The following LRRC7 variants were observed in gnomAD, a reference collection of about 807,000 sequenced individuals.
The protein encoded by LRRC7 is leucine-rich repeat-containing protein 7.
Under a neutral mutation model 175.7 loss-of-function variants are expected in LRRC7, and 23 were observed. The observed-to-expected ratio is 0.13, with a 90% CI of 0.09 to 0.19. The LOEUF (loss-of-function observed/expected upper bound fraction) is 0.19, where lower values mean the gene tolerates loss of function less well. LRRC7 is among the 10% of genes least tolerant of loss of function. The pLI is 1.00. For synonymous variants in LRRC7, 685 were observed against 680.9 expected (o/e 1.01, Z -0.09); for missense variants, 1,354 against 1,904.7 (o/e 0.71, Z 5.38).
At chr1:70,053,603 A>G (rs948680145) in intron 23 of LRRC7, among the ~76,000 whole-genome samples, 1 of 152,186 alleles carries the variant, frequency 6.6e-6, no homozygotes, top group Non-Finnish European at 1.5e-5. Context: ...TGAGGAAACA[A>G]AAATGAAAAA....
intron 7 of LRRC7, among the ~76,000 whole-genome samples, chr1:69,900,566 T>C (rs1333275837): frequency 3.9e-5 from 6 of 152,206 alleles, no homozygotes; most frequent in African/African-American, 9.7e-5. Flanking sequence ...TATTGTAGCA[T>C]ACAATATTCT....
At chr1:69,993,426 T>C (rs111975895) in intron 10 of LRRC7, among the ~76,000 whole-genome samples, 2,180 of 152,290 alleles carry the variant, frequency 0.014, 51 homozygotes, top group African/African-American at 0.05. Flanking sequence ...ACTTACTCTA[T>C]GCCTGTTAGG....
chr1:69,575,708 G>T (rs1645917785), intron 1 of LRRC7, among the ~76,000 whole-genome samples: 1 of 152,078 alleles, frequency 6.6e-6, no homozygotes, highest in Non-Finnish European at 1.5e-5. Flanking sequence ...AATGTTGGAT[G>T]ATGAAGAAAT....
At chr1:69,731,704 T>G (rs998960548) in intron 2 of LRRC7, among the ~76,000 whole-genome samples, 1 of 152,176 alleles carries the variant, frequency 6.6e-6, no homozygotes, top group African/African-American at 2.4e-5. Flanking sequence ...TGGGACAAAA[T>G]GTTCAATGTC....
At chr1:69,653,022 G>A (rs964268691) in intron 1 of LRRC7, among the ~76,000 whole-genome samples, 2 of 152,016 alleles carry the variant, frequency 1.3e-5, no homozygotes, top group Non-Finnish European at 2.9e-5. Context: ...AAAGCTTCTT[G>A]CCAATTGGTC....
intron 23 of LRRC7, among the ~76,000 whole-genome samples, chr1:70,066,318 A>C (rs972672702): frequency 3.3e-5 from 5 of 152,008 alleles, no homozygotes; most frequent in Non-Finnish European, 7.4e-5. Flanking sequence ...TTGCATAACT[A>C]AAAAGTGACA....
intron 1 of LRRC7, among the ~76,000 whole-genome samples, chr1:69,594,251 T>C (rs1646752220): frequency 6.6e-6 from 1 of 152,186 alleles, no homozygotes; most frequent in African/African-American, 2.4e-5. Flanking sequence ...CCGCTCTTTA[T>C]CCCCTTACTG....
intron 7 of LRRC7, among the ~76,000 whole-genome samples, chr1:69,870,635 C>T (rs760671081): frequency 3.3e-5 from 5 of 152,010 alleles, no homozygotes; most frequent in Admixed American, 1.3e-4. Flanking sequence ...ATGCAATTCC[C>T]GATGCCTAGA....
intron 5 of LRRC7, among the ~76,000 whole-genome samples, chr1:69,828,232 C>A (rs772154910): frequency 1.3e-5 from 2 of 152,030 alleles, no homozygotes; most frequent in Non-Finnish European, 2.9e-5. Context: ...AAAGCTGGTA[C>A]AAACTATGCA....
chr1:70,028,138 T>C, intron 17 of LRRC7, 33 bp from the exon 18 acceptor site: 1 of 1,571,312 alleles, frequency 6.4e-7, no homozygotes, highest in Non-Finnish European at 8.7e-7. Context: ...CTGAAGTTAT[T>C]TTTATGTTAA....
At chr1:69,888,636 C>T (rs546811496) in intron 7 of LRRC7, among the ~76,000 whole-genome samples, 9 of 152,012 alleles carry the variant, frequency 5.9e-5, no homozygotes, top group South Asian at 4.1e-4. Flanking sequence ...CATCTTGGCT[C>T]CTCCTCCTGA....
intron 8 of LRRC7, among the ~76,000 whole-genome samples, chr1:69,933,937 C>T (rs1205866490): frequency 6.6e-6 from 1 of 152,042 alleles, no homozygotes; most frequent in Non-Finnish European, 1.5e-5. Flanking sequence ...TATTTTCTTA[C>T]TTTTGCATTT....
intron 1 of LRRC7, among the ~76,000 whole-genome samples, chr1:69,610,324 TTGGC>T (rs1356271036): frequency 6.6e-6 from 1 of 152,086 alleles, no homozygotes; most frequent in Non-Finnish European, 1.5e-5. Flanking sequence ...CAGTTTTTCT[TTGGC>T]AAGAATATTT....
intron 7 of LRRC7, among the ~76,000 whole-genome samples, chr1:69,913,662 T>G (rs1401508089): frequency 6.6e-6 from 1 of 151,988 alleles, no homozygotes; most frequent in African/African-American, 2.4e-5. Flanking sequence ...CAGGCACCCA[T>G]GACCACGCCT....
intron 2 of LRRC7, among the ~76,000 whole-genome samples, chr1:69,692,117 G>A (rs1661965913): frequency 6.6e-6 from 1 of 152,086 alleles, no homozygotes; most frequent in African/African-American, 2.4e-5. Flanking sequence ...AGCAGTACAA[G>A]AAACCACAGG....
chr1:69,936,548 T>C (rs574015614), intron 8 of LRRC7, among the ~76,000 whole-genome samples: 14 of 152,326 alleles, frequency 9.2e-5, no homozygotes, highest in Admixed American at 7.8e-4. Flanking sequence ...CAGTTGCTTG[T>C]TGCAGGTTTT....
intron 2 of LRRC7, among the ~76,000 whole-genome samples, chr1:69,750,061 A>AAAATAAATAAAT (rs368323946): frequency 0.019 from 2,609 of 139,130 alleles, 40 homozygotes; most frequent in East Asian, 0.062. Flanking sequence ...CTATGTCTCA[A>AAAATAAATAAAT]AAATAAATAA....
At chr1:69,752,443 A>T (rs1053487763) in intron 2 of LRRC7, among the ~76,000 whole-genome samples, 1 of 152,164 alleles carries the variant, frequency 6.6e-6, no homozygotes, top group Non-Finnish European at 1.5e-5. Context: ...ATAAATGAGC[A>T]TTGGTCTAAA....
At chr1:69,673,339 A>G (rs1570292542) in intron 1 of LRRC7, among the ~76,000 whole-genome samples, 1 of 152,186 alleles carries the variant, frequency 6.6e-6, no homozygotes, top group East Asian at 1.9e-4. Context: ...ATGCTATTTG[A>G]TATTAACCTG....
Sources: gnomAD v4.1 joint callset for allele counts (sites outside exome capture counted in the v4.1 genomes callset) on GRCh38, gnomAD v4.1.1 for gene constraint, MANE v1.5 for transcripts, NCBI Gene and HGNC (gene_info 2026-07-23, HGNC 2026-07-21) for gene names.